Variants in FBXL7 observed in about 807,000 individuals in gnomAD.
FBXL7 encodes the protein F-box and leucine rich repeat protein 7.
A neutral mutation model predicts 38.3 loss-of-function variants in FBXL7; 12 were observed. That is an observed-to-expected ratio of 0.31 (90% CI 0.20 to 0.51). The LOEUF (loss-of-function observed/expected upper bound fraction) is 0.51, where lower values mean the gene tolerates loss of function less well. Among genes scored for constraint, FBXL7 ranks in the 20% least tolerant of loss-of-function variants. The probability of loss-of-function intolerance (pLI) is 0.98; values close to 1 mark genes in which losing one functional copy is unlikely to be tolerated. For synonymous variants in FBXL7, 297 were observed against 300.9 expected (o/e 0.99, Z 0.13); for missense variants, 567 against 676.4 (o/e 0.84, Z 1.79).
chr5:15,549,216 C>T (rs1737996825), intron 1 of FBXL7, among the ~76,000 whole-genome samples: 1 of 152,302 alleles, frequency 6.6e-6, no homozygotes, highest in Admixed American at 6.5e-5. Flanking sequence ...GCATATTCTA[C>T]ACATAGCATA....
intron 2 of FBXL7, among the ~76,000 whole-genome samples, chr5:15,667,828 C>T (rs1742335912): frequency 1.3e-5 from 2 of 152,230 alleles, no homozygotes; most frequent in Admixed American, 6.5e-5. Flanking sequence ...TCACTAGAAA[C>T]TTTCGTTTGG....
chr5:15,592,360 C>T (rs895059680), intron 1 of FBXL7, among the ~76,000 whole-genome samples: 1 of 152,084 alleles, frequency 6.6e-6, no homozygotes, highest in Non-Finnish European at 1.5e-5. Flanking sequence ...TACAGTTGCC[C>T]AGGGATCATG....
chr5:15,748,537 C>G (rs1260472095), intron 2 of FBXL7, among the ~76,000 whole-genome samples: 1 of 152,142 alleles, frequency 6.6e-6, no homozygotes, highest in Non-Finnish European at 1.5e-5. Context: ...CCTCTCTTGC[C>G]TGACACCATG....
chr5:15,571,560 AT>A, intron 1 of FBXL7, among the ~76,000 whole-genome samples: 1 of 152,200 alleles, frequency 6.6e-6, no homozygotes, highest in East Asian at 1.9e-4. Context: ...CTTGGGAAAT[AT>A]TTTCCCAAGA....
chr5:15,626,660 A>G (rs977617429), intron 2 of FBXL7, among the ~76,000 whole-genome samples: 5 of 152,088 alleles, frequency 3.3e-5, no homozygotes, highest in African/African-American at 1.2e-4. Context: ...CAGATGTTGG[A>G]GAGAGACAGG....
chr5:15,853,377 G>C (rs1331424324), intron 2 of FBXL7, among the ~76,000 whole-genome samples: 2 of 152,128 alleles, frequency 1.3e-5, no homozygotes, highest in African/African-American at 4.8e-5. Context: ...GATGAGAAAG[G>C]GGTTACTAGT....
At chr5:15,848,939 T>A (rs955268609) in intron 2 of FBXL7, among the ~76,000 whole-genome samples, 1 of 152,218 alleles carries the variant, frequency 6.6e-6, no homozygotes, top group Non-Finnish European at 1.5e-5. Flanking sequence ...AATGCTATAG[T>A]CTGGATTATT....
In FBXL7 at chr5:15,800,736, A is replaced by G. The variant is rs187704595; in HGVS notation, c.128-127154A>G. Reference sequence around the variant, plus strand: ...CAGCATATGGAGGTGCATATAGACCACTGGACTTGATGGAGGCATGTCCGG... The same window carrying G: ...CAGCATATGGAGGTGCATATAGACCGCTGGACTTGATGGAGGCATGTCCGG... On this transcript the variant is annotated intron_variant, in intron 2 of 3. Coordinates refer to ENST00000504595, the MANE Select transcript of FBXL7 (RefSeq NM_012304.5). Among the ~76,000 whole-genome samples the G allele has an allele frequency of 2.4e-3, 366 of 152,302 alleles. 1 individual carries two copies. Among genetic ancestry groups the G allele is most frequent in the African/African-American group, 8.4e-3 (349 of 41,574 alleles).
chr5:15,710,608 A>G (rs1743834705), intron 2 of FBXL7, among the ~76,000 whole-genome samples: 1 of 152,204 alleles, frequency 6.6e-6, no homozygotes, highest in African/African-American at 2.4e-5. Flanking sequence ...GGTAAGCTCC[A>G]TGAATGCATG....
chr5:15,903,111 A>G (rs899616776), intron 2 of FBXL7, among the ~76,000 whole-genome samples: 1 of 152,264 alleles, frequency 6.6e-6, no homozygotes, highest in African/African-American at 2.4e-5. Context: ...TGAGGGGTAG[A>G]GGCCATTTCA....
intron 2 of FBXL7, among the ~76,000 whole-genome samples, chr5:15,838,712 C>A (rs1738656989): frequency 1.3e-5 from 2 of 152,160 alleles, no homozygotes; most frequent in Non-Finnish European, 1.5e-5. Flanking sequence ...TCTCTACTCC[C>A]ACGACTAAGG....
intron 2 of FBXL7, among the ~76,000 whole-genome samples, chr5:15,877,998 G>T (rs532317832): frequency 6.6e-6 from 1 of 152,138 alleles, no homozygotes; most frequent in East Asian, 1.9e-4. Flanking sequence ...AAGGGGCGAG[G>T]TGCTGGGTTT....
intron 2 of FBXL7, among the ~76,000 whole-genome samples, chr5:15,621,292 G>T (rs1390827523): frequency 6.6e-6 from 1 of 152,194 alleles, no homozygotes; most frequent in Non-Finnish European, 1.5e-5. Context: ...TGTAGGGGGG[G>T]TTGGGTTCCA....
rs369793901 is a variant in FBXL7, at chr5:15,723,409, C to A, written c.127+107337C>A. Among the ~76,000 whole-genome samples, 58 of 152,288 alleles carry A rather than the reference C, an allele frequency of 3.8e-4. 2 individuals are homozygous for A. The South Asian group carries it at 0.012, about 32-fold the overall frequency. ...TTTTAAGTTTAATCTACATTATTAA[C>A]ATGTTTTCCACGACTATATTAAGTC... On this transcript the variant is annotated intron_variant, in intron 2 of 3. Transcript: ENST00000504595.
chr5:15,620,261 T>C (rs1228575057), intron 2 of FBXL7, among the ~76,000 whole-genome samples: 1 of 150,614 alleles, frequency 6.6e-6, no homozygotes, highest in Non-Finnish European at 1.5e-5. Flanking sequence ...AGACAGAGTT[T>C]CACTCTTGTT....
At chr5:15,590,000 A>G (rs1017674839) in intron 1 of FBXL7, among the ~76,000 whole-genome samples, 1 of 152,218 alleles carries the variant, frequency 6.6e-6, no homozygotes, top group Non-Finnish European at 1.5e-5. Flanking sequence ...TTCATTCACC[A>G]TCCCATGTTC....
At chr5:15,635,363 CAGAA>C (rs958674891) in intron 2 of FBXL7, among the ~76,000 whole-genome samples, 1 of 152,126 alleles carries the variant, frequency 6.6e-6, no homozygotes, top group Non-Finnish European at 1.5e-5. Flanking sequence ...CTCAGGGCTC[CAGAA>C]AGAGTCTTCT....
At chr5:15,655,223 C>T (rs975810951) in intron 2 of FBXL7, among the ~76,000 whole-genome samples, 6 of 152,168 alleles carry the variant, frequency 3.9e-5, no homozygotes, top group Admixed American at 2.0e-4. Flanking sequence ...TGGCTGGGTG[C>T]GGTGGCTCAC....
intron 2 of FBXL7, among the ~76,000 whole-genome samples, chr5:15,839,431 ATC>A (rs1378773667): frequency 5.3e-5 from 8 of 151,910 alleles, no homozygotes; most frequent in Non-Finnish European, 8.8e-5. Flanking sequence ...ATAGCAATCT[ATC>A]TGATTTTTTT....
Sources: allele counts gnomAD v4.1 joint callset (sites outside exome capture counted in the v4.1 genomes callset), GRCh38; gene constraint gnomAD v4.1.1; transcripts MANE v1.5; gene names NCBI Gene and HGNC (gene_info 2026-07-23, HGNC 2026-07-21).